Variants in SERPINB12 observed in about 807,000 individuals in gnomAD.
The protein encoded by SERPINB12 is serpin family B member 12, also known as serpin B12.
A neutral mutation model predicts 41.1 loss-of-function variants in SERPINB12; 57 were observed. The observed-to-expected ratio is 1.39, with a 90% CI of 1.12 to 1.73. The LOEUF (loss-of-function observed/expected upper bound fraction) is 1.73, where lower values mean the gene tolerates loss of function less well. SERPINB12 is among the 40% of genes most tolerant of loss of function. The pLI is 0.00. For synonymous variants in SERPINB12, 180 were observed against 181.3 expected, an observed-to-expected ratio of 0.99 and a Z score of 0.06; for missense variants, 536 against 501.9, an observed-to-expected ratio of 1.07 and a Z score of -0.65.
intron 1 of SERPINB12, among the ~76,000 whole-genome samples, chr18:63,544,164 A>G (rs1397475045): frequency 6.6e-6 from 1 of 152,182 alleles, no homozygotes; most frequent in African/African-American, 2.4e-5. Context: ...ATTGTAGAGC[A>G]AAAGCAGCCA....
chr18:63,558,999 CTTCCTTCTTTCTTTCTTTCTTTCTTTCT>C (rs1910777508), intron 3 of SERPINB12, among the ~76,000 whole-genome samples: 1 of 114,702 alleles, frequency 8.7e-6, no homozygotes, highest in African/African-American at 3.6e-5. Context: ...TCTTTCTTTC[CTTCCTTCTTTCTTTCTTTCTTTCTTTCT>C]TTCTTTCTTT....
At chr18:63,547,454 T>C (rs931494361) in intron 1 of SERPINB12, among the ~76,000 whole-genome samples, 11 of 152,170 alleles carry the variant, frequency 7.2e-5, no homozygotes, top group Non-Finnish European at 1.5e-4. Flanking sequence ...TTTAGTTTGC[T>C]GTAACCTGGT....
In SERPINB12 at chr18:63,567,773, G is replaced by A. The variant is rs1911161383; in HGVS notation, c.*762G>A. On this transcript the variant is annotated 3_prime_UTR_variant, in exon 8 of 8. Transcript: ENST00000382768. ...ACATTATCATCAAACACTTCCCTCT[G>A]TCTCTCCTCCCCCTAGCTCCAAGAA... is the stretch of plus-strand genomic sequence containing the variant. 6.6e-6 allele frequency among the ~76,000 whole-genome samples: 1 copy of A among 152,226 alleles called. No homozygotes were observed. Among genetic ancestry groups the A allele is most frequent in the African/African-American group, 2.4e-5 (1 of 41,456 alleles).
intron 5 of SERPINB12, among the ~76,000 whole-genome samples, chr18:63,562,493 G>A (rs993151006): frequency 6.6e-6 from 1 of 152,148 alleles, no homozygotes; most frequent in African/African-American, 2.4e-5. Context: ...GCTGTCCTTG[G>A]TACCAGAGTG....
upstream of SERPINB12, among the ~76,000 whole-genome samples, chr18:63,541,714 AGAGGCAAATGGG>A (rs1910276236): frequency 6.6e-6 from 1 of 152,130 alleles, no homozygotes; most frequent in Non-Finnish European, 1.5e-5. Context: ...GGGGTGGGAC[AGAGGCAAATGGG>A]GATGGAGGAG....
upstream of SERPINB12, among the ~76,000 whole-genome samples, chr18:63,542,359 C>T (rs1359063838): frequency 6.6e-6 from 1 of 152,210 alleles, no homozygotes. Flanking sequence ...GACAGAATAG[C>T]TTGCTCAATG....
chr18:63,542,536 T>G (rs1190253488), intron 1 of SERPINB12, among the ~76,000 whole-genome samples, 44 bp downstream of exon 1: 1 of 152,200 alleles, frequency 6.6e-6, no homozygotes. Context: ...TAGAGATGCC[T>G]CTGGGGGCTA....
the SERPINB12 span, among the ~76,000 whole-genome samples, chr18:63,521,401 TG>T: frequency 6.6e-6 from 1 of 152,188 alleles, no homozygotes; most frequent in African/African-American, 2.4e-5. Flanking sequence ...GATCCTCTGT[TG>T]GAGAGAAGTG....
rs371837835 is a variant in SERPINB12 at position 63,564,093 on chromosome 18, G to A, written c.678G>A (p.Thr226=). The change falls in exon 6 of 8, where the codon ACG becomes ACA. Residue 226 remains threonine, a synonymous_variant. Coordinates refer to ENST00000382768, the MANE Select transcript of SERPINB12 (RefSeq NM_001307928.2). The part of the protein sequence containing the change: ...KWETYFDHEN[T]VDAPFCLNAN... ...AAACATACTTTGACCATGAAAACAC[G>A]GTGGATGCACCTTTCTGTCTAAATG... is the stretch of plus-strand genomic sequence containing the variant. The A allele has an allele frequency of 4.8e-5, 78 of 1,613,766 alleles. 1 individual carries two copies. Among genetic ancestry groups the A allele is most frequent in the South Asian group, 3.0e-4 (27 of 90,980 alleles).
At chr18:63,565,933 T>C (rs1911085059) in intron 7 of SERPINB12, among the ~76,000 whole-genome samples, 1 of 152,218 alleles carries the variant, frequency 6.6e-6, no homozygotes, top group Non-Finnish European at 1.5e-5. Flanking sequence ...TTCTGACTTC[T>C]GGCCTCTTAC....
intron 1 of SERPINB12, among the ~76,000 whole-genome samples, chr18:63,555,001 T>A (rs1055990459): frequency 6.6e-6 from 1 of 152,172 alleles, no homozygotes; most frequent in Admixed American, 6.5e-5. Flanking sequence ...AAGGTACTTG[T>A]TTCTCCTTCT....
chr18:63,521,207 C>T, the SERPINB12 span, among the ~76,000 whole-genome samples: 1 of 152,170 alleles, frequency 6.6e-6, no homozygotes, highest in Admixed American at 6.6e-5. Flanking sequence ...AAAAAAATCC[C>T]TTCTTGCCTT....
At chr18:63,543,014 T>C (rs1178092966) in intron 1 of SERPINB12, among the ~76,000 whole-genome samples, 1 of 152,208 alleles carries the variant, frequency 6.6e-6, no homozygotes, top group Non-Finnish European at 1.5e-5. Flanking sequence ...GCTGTGTATG[T>C]ACCACATTTT....
the SERPINB12 span, among the ~76,000 whole-genome samples, chr18:63,529,003 T>G: frequency 6.6e-6 from 1 of 152,142 alleles, no homozygotes; most frequent in Non-Finnish European, 1.5e-5. Flanking sequence ...TGCAAAGGGC[T>G]CTGCTGGGAC....
chr18:63,519,884 A>C, the SERPINB12 span, among the ~76,000 whole-genome samples: 1 of 152,172 alleles, frequency 6.6e-6, no homozygotes, highest in South Asian at 2.1e-4. Flanking sequence ...AATAAGCATC[A>C]CGGGTGATTC....
At chr18:63,522,679 C>G in the SERPINB12 span, among the ~76,000 whole-genome samples, 1 of 152,240 alleles carries the variant, frequency 6.6e-6, no homozygotes, top group East Asian at 1.9e-4. Flanking sequence ...AGTCCATCAT[C>G]TAAACATTAT....
intron 1 of SERPINB12, among the ~76,000 whole-genome samples, chr18:63,547,027 A>G (rs547757038): frequency 8.9e-4 from 135 of 152,344 alleles, no homozygotes; most frequent in Admixed American, 1.7e-3. Context: ...ATAGAAACCC[A>G]GAGGAGATGT....
At chr18:63,561,223 G>A (rs776930960) in intron 5 of SERPINB12, 21 bp downstream of exon 5, 36 of 1,429,060 alleles carry the variant, frequency 2.5e-5, no homozygotes, top group Middle Eastern at 3.5e-4. Flanking sequence ...CCAAAAGCAC[G>A]GGAGCTGGTA....
intron 1 of SERPINB12, among the ~76,000 whole-genome samples, chr18:63,550,001 C>T (rs1599415500): frequency 1.3e-5 from 2 of 152,168 alleles, no homozygotes; most frequent in East Asian, 3.8e-4. Context: ...TTCTAACTTA[C>T]AGGATTTTTT....
Sources: allele counts gnomAD v4.1 joint callset (sites outside exome capture counted in the v4.1 genomes callset), GRCh38; gene constraint gnomAD v4.1.1; transcripts MANE v1.5; gene names NCBI Gene and HGNC (gene_info 2026-07-23, HGNC 2026-07-21).